The following SERINC5 variants were observed in gnomAD, a reference collection of about 807,000 sequenced individuals.
SERINC5 encodes chromosome 5 open reading frame 12.
In SERINC5, 41 loss-of-function variants were observed where a neutral mutation model predicts 63.1. The ratio of observed to expected loss-of-function variants is 0.65; its 90% CI spans 0.51 to 0.84. The LOEUF is 0.84. Among genes scored for constraint, SERINC5 ranks in the 40% least tolerant of loss-of-function variants. SERINC5 has a pLI of 0.00. For missense variants in SERINC5, 523 were observed against 573.0 expected (o/e 0.91, Z 0.89); for synonymous variants, 222 against 215.2 (o/e 1.03, Z -0.28).
intron 2 of SERINC5, chr5:80,198,727 C>CTT (rs1749653373): frequency 3.0e-6 from 3 of 985,088 alleles, no homozygotes; most frequent in Non-Finnish European, 2.4e-6. Flanking sequence ...GTCAGCCTCT[C>CTT]TTCTGTAGGC....
chr5:80,225,084 G>A (rs1216921200), intron 1 of SERINC5, among the ~76,000 whole-genome samples: 1 of 151,974 alleles, frequency 6.6e-6, no homozygotes, highest in African/African-American at 2.4e-5. Flanking sequence ...GAGATTACAG[G>A]GGCACGCCAC....
chr5:80,152,905 G>A (rs1306181187), intron 8 of SERINC5, among the ~76,000 whole-genome samples: 5 of 152,208 alleles, frequency 3.3e-5, no homozygotes, highest in Admixed American at 2.6e-4. Context: ...TCACGCTACT[G>A]TACTCTAGCC....
Position 80,124,497 on chromosome 5 carries a change from CTTGTTTTT to C in SERINC5, c.1239-10880_1239-10873del, listed in dbSNP as rs1744666185. Among the ~76,000 whole-genome samples, 13 of 152,160 alleles carry C rather than the reference CTTGTTTTT, an allele frequency of 8.5e-5. 1 individual carries two copies. The South Asian group carries it at 2.7e-3, about 32-fold the overall frequency. On this transcript the variant is annotated intron_variant, in intron 11 of 12. Transcript: ENST00000509193. ...GTGGTCTTCATTTATTTCCACAGTC[CTTGTTTTT>C]CAGGGAGATTTAGGGCTTAAATACA...
At chr5:80,173,966 G>T (rs1747849234) in intron 5 of SERINC5, among the ~76,000 whole-genome samples, 1 of 145,468 alleles carries the variant, frequency 6.9e-6, no homozygotes, top group Non-Finnish European at 1.6e-5. Context: ...CAAAATTTGA[G>T]CTAGAAAGGA....
Position 80,141,383 on chromosome 5 carries a change from T to C in SERINC5, c.*2280A>G. 1.0e-6 allele frequency: 1 copy of C among 985,436 alleles called. No homozygotes were observed. The highest frequency in any genetic ancestry group is 1.2e-6 in the Non-Finnish European group (1 of 829,934). The allele number at this position is 985,436 out of a possible 1,614,324, so 61.0% of individuals were successfully genotyped here. ...CTTGCTTGGGCTTCCCTAAGCTGCTTTCTGCAGAGGAAAGGGCCAATCACG... is the reference window on the plus strand; with the variant it reads ...CTTGCTTGGGCTTCCCTAAGCTGCTCTCTGCAGAGGAAAGGGCCAATCACG... On this transcript the variant is annotated 3_prime_UTR_variant, in exon 12 of 12. Transcript: ENST00000507668.
intron 1 of SERINC5, among the ~76,000 whole-genome samples, chr5:80,231,013 G>T (rs537587221): frequency 2.8e-5 from 1 of 35,690 alleles, no homozygotes; most frequent in East Asian, 7.7e-4. Flanking sequence ...GGTTTTGCCC[G>T]GCTGGTCTCG....
At chr5:80,233,928 C>T (rs1054644319) in intron 1 of SERINC5, among the ~76,000 whole-genome samples, 1 of 149,616 alleles carries the variant, frequency 6.7e-6, no homozygotes, top group African/African-American at 2.5e-5. Flanking sequence ...TCTTCTGCCT[C>T]AGCCTCCTGA....
At chr5:80,240,170 C>T (rs1751888121) in intron 1 of SERINC5, among the ~76,000 whole-genome samples, 2 of 152,274 alleles carry the variant, frequency 1.3e-5, no homozygotes, top group African/African-American at 2.4e-5. Context: ...AATTGAGCTT[C>T]GTGGTAATAC....
intron 2 of SERINC5, among the ~76,000 whole-genome samples, chr5:80,181,005 G>A (rs1323384407): frequency 6.6e-6 from 1 of 152,126 alleles, no homozygotes; most frequent in Non-Finnish European, 1.5e-5. Context: ...TGAGCAATTT[G>A]AGGGCAGTCA....
intron 8 of SERINC5, 149 bp from the exon 9 acceptor site, chr5:80,151,097 C>CCT: frequency 3.1e-6 from 2 of 652,718 alleles, no homozygotes; most frequent in Non-Finnish European, 5.5e-6. Context: ...TATTTTAATA[C>CCT]CTCTCCTTAT....
intron 1 of SERINC5, among the ~76,000 whole-genome samples, chr5:80,205,283 T>A (rs1166733971): frequency 1.3e-5 from 2 of 152,242 alleles, no homozygotes; most frequent in Non-Finnish European, 2.9e-5. Context: ...TTCACCCTTG[T>A]GTTCATATTA....
intron 8 of SERINC5, among the ~76,000 whole-genome samples, chr5:80,153,382 C>T (rs1165043249): frequency 6.6e-6 from 1 of 151,610 alleles, no homozygotes; most frequent in Non-Finnish European, 1.5e-5. Flanking sequence ...TGCTTGAACC[C>T]GGGAGGCAGA....
At chr5:80,145,861 T>C (rs1056452805) in intron 11 of SERINC5, among the ~76,000 whole-genome samples, 1 of 152,050 alleles carries the variant, frequency 6.6e-6, no homozygotes, top group Non-Finnish European at 1.5e-5. Flanking sequence ...AATATAAAAA[T>C]TAGCTAGGCA....
At chr5:80,117,969 G>A (rs1181936584) in intron 11 of SERINC5, among the ~76,000 whole-genome samples, 7 of 151,344 alleles carry the variant, frequency 4.6e-5, no homozygotes, top group Non-Finnish European at 8.8e-5. Context: ...TTGGGAGGCC[G>A]AGGTGGGCAG....
chr5:80,125,957 C>T (rs1744732579), intron 11 of SERINC5, among the ~76,000 whole-genome samples: 1 of 152,208 alleles, frequency 6.6e-6, no homozygotes, highest in Non-Finnish European at 1.5e-5. Context: ...AGCCTTCCTG[C>T]AAACCTAGAC....
intron 2 of SERINC5, 46 bp from the exon 3 acceptor site, chr5:80,178,110 G>C (rs575301733): frequency 4.3e-5 from 59 of 1,362,690 alleles, no homozygotes; most frequent in Non-Finnish European, 5.8e-5. Flanking sequence ...CTGAGTGAGA[G>C]GTGGACTGTC....
At chr5:80,124,608 C>T (rs1744672320) in intron 11 of SERINC5, among the ~76,000 whole-genome samples, 1 of 152,172 alleles carries the variant, frequency 6.6e-6, no homozygotes, top group Admixed American at 6.5e-5. Flanking sequence ...TGGGAAGACC[C>T]TAGAGCCGGA....
chr5:80,218,114 CAAAT>C (rs1337778278), intron 1 of SERINC5, among the ~76,000 whole-genome samples: 7 of 152,222 alleles, frequency 4.6e-5, no homozygotes, highest in Non-Finnish European at 2.9e-5. Context: ...AACAAACAAA[CAAAT>C]GCTCTGCTGA....
intron 1 of SERINC5, among the ~76,000 whole-genome samples, chr5:80,219,331 T>A (rs990855780): frequency 2.0e-5 from 3 of 152,250 alleles, no homozygotes; most frequent in Admixed American, 1.3e-4. Context: ...TTCCTACAGC[T>A]GAGAAAACAC....
Sources: gnomAD v4.1 joint callset for allele counts (sites outside exome capture counted in the v4.1 genomes callset) on GRCh38, gnomAD v4.1.1 for gene constraint, MANE v1.5 for transcripts, NCBI Gene and HGNC (gene_info 2026-07-23, HGNC 2026-07-21) for gene names.